The following FAM13C variants were observed in gnomAD, a reference collection of about 807,000 sequenced individuals.
FAM13C encodes protein FAM13C.
FAM13C carries 37 observed loss-of-function variants against 73.2 expected under a neutral mutation model. That is an observed-to-expected ratio of 0.51 (90% CI 0.39 to 0.67). FAM13C has a LOEUF of 0.67. FAM13C is among the 30% of genes least tolerant of loss of function. FAM13C has a pLI of 0.00. For synonymous variants in FAM13C, 246 were observed against 260.9 expected, an observed-to-expected ratio of 0.94 and a Z score of 0.55; for missense variants, 589 against 715.6, an observed-to-expected ratio of 0.82 and a Z score of 2.02.
intron 6 of FAM13C, among the ~76,000 whole-genome samples, chr10:59,277,611 C>A (rs2133630441): frequency 6.6e-6 from 1 of 152,248 alleles, no homozygotes; most frequent in South Asian, 2.1e-4. Flanking sequence ...GGCAAAATTA[C>A]AGAAACAGAG....
intron 13 of FAM13C, among the ~76,000 whole-genome samples, chr10:59,249,080 C>T (rs962998860): frequency 1.3e-5 from 2 of 152,008 alleles, no homozygotes; most frequent in African/African-American, 2.4e-5. Context: ...TGTAATTTTC[C>T]GTAGTTTTGC....
chr10:59,278,087 G>A (rs1473922341), intron 6 of FAM13C, among the ~76,000 whole-genome samples: 1 of 152,210 alleles, frequency 6.6e-6, no homozygotes, highest in African/African-American at 2.4e-5. Context: ...GACAAGAGAA[G>A]AGAGCTTGTG....
chr10:59,362,949 A>C (rs1856574298), upstream of FAM13C: 1 of 160,126 alleles, frequency 6.2e-6, no homozygotes, highest in Non-Finnish European at 1.3e-5. Context: ...ACCCCCAGGG[A>C]TGGAGGCTCG....
At chr10:59,263,612 A>G (rs2133475405) in intron 9 of FAM13C, among the ~76,000 whole-genome samples, 1 of 152,302 alleles carries the variant, frequency 6.6e-6, no homozygotes, top group East Asian at 1.9e-4. Flanking sequence ...ATCTCCAGAG[A>G]AAGACAGAAA....
intron 13 of FAM13C, among the ~76,000 whole-genome samples, chr10:59,250,407 A>C (rs1283138158): frequency 6.6e-6 from 1 of 152,258 alleles, no homozygotes; most frequent in Non-Finnish European, 1.5e-5. Context: ...CAAAAAGGTA[A>C]GTTGGACTTG....
intron 9 of FAM13C, among the ~76,000 whole-genome samples, chr10:59,263,463 T>C (rs2452501): frequency 0.99 from 150,630 of 152,312 alleles, 74,500 homozygotes; most frequent in Middle Eastern, 1. Context: ...TTTAGTCACT[T>C]TCCTTGCAGA....
chr10:59,286,135 T>G (rs1845526624), intron 5 of FAM13C, among the ~76,000 whole-genome samples: 1 of 152,164 alleles, frequency 6.6e-6, no homozygotes, highest in South Asian at 2.1e-4. Context: ...GTATAAACTT[T>G]GAGGACATTA....
intron 3 of FAM13C, among the ~76,000 whole-genome samples, chr10:59,330,452 AAGAG>A (rs1225191426): frequency 2.0e-5 from 3 of 152,172 alleles, no homozygotes; most frequent in Non-Finnish European, 2.9e-5. Flanking sequence ...AAGAGTAAAA[AAGAG>A]AGTCATGAGG....
intron 4 of FAM13C, among the ~76,000 whole-genome samples, chr10:59,321,716 G>A (rs542070098): frequency 4.1e-4 from 63 of 152,030 alleles, no homozygotes; most frequent in Middle Eastern, 6.8e-3. Flanking sequence ...TTTGGCATTC[G>A]TGAAAAGATC....
chr10:59,304,815 A>AAGGGAAGGGAAGGGAAGGGAAGGG (rs1564554034), intron 4 of FAM13C, among the ~76,000 whole-genome samples: 6 of 10,548 alleles, frequency 5.7e-4, no homozygotes, highest in Admixed American at 1.5e-3. Flanking sequence ...GAAGGGAAGG[A>AAGGGAAGGGAAGGGAAGGGAAGGG]AAGGGGAAGG....
intron 1 of FAM13C, among the ~76,000 whole-genome samples, chr10:59,356,384 A>G (rs1476993459): frequency 6.6e-6 from 1 of 152,118 alleles, no homozygotes; most frequent in Non-Finnish European, 1.5e-5. Context: ...GATTTTCTTG[A>G]TCTTGTGAAA....
chr10:59,254,228 C>A (rs1841706341), intron 11 of FAM13C, 120 bp downstream of exon 11: 1 of 583,280 alleles, frequency 1.7e-6, no homozygotes, highest in Non-Finnish European at 2.8e-6. Context: ...GAAATGACAA[C>A]TAGCCTTGTT....
Position 59,288,941 on chromosome 10 carries a change from C to T in FAM13C, c.508-5494G>A, listed in dbSNP as rs184215129. ...GTGGGATGGGGTCCATGAAGAGATA[C>T]TTGTTCTGAGGATCAAGGAACCCAT... On this transcript the variant is annotated intron_variant, in intron 5 of 13. Coordinates refer to ENST00000618804, the MANE Select transcript of FAM13C (RefSeq NM_198215.4). 1.8e-3 allele frequency among the ~76,000 whole-genome samples: 278 copies of T among 152,272 alleles called. 1 individual carries two copies. The highest frequency in any genetic ancestry group is 3.2e-3 in the Non-Finnish European group (216 of 68,014).
At chr10:59,350,425 G>A (rs1208313764) in intron 3 of FAM13C, among the ~76,000 whole-genome samples, 2 of 152,152 alleles carry the variant, frequency 1.3e-5, no homozygotes, top group East Asian at 1.9e-4. Flanking sequence ...CGTGACTCCT[G>A]GTAGGAGATT....
chr10:59,280,761 G>A (rs1399497802), intron 6 of FAM13C, among the ~76,000 whole-genome samples: 1 of 152,172 alleles, frequency 6.6e-6, no homozygotes, highest in East Asian at 1.9e-4. Context: ...TTTACAACTG[G>A]TTGTCTAGGA....
intron 10 of FAM13C, 133 bp from the exon 11 acceptor site, chr10:59,254,576 C>CATTTATTTATTT (rs3078249): frequency 4.1e-5 from 9 of 220,698 alleles, no homozygotes; most frequent in South Asian, 1.7e-4. Context: ...AAAGGAAAGT[C>CATTTATTTATTT]ATTTATTTAT....
Position 59,355,919 on chromosome 10 carries a change from T to G in FAM13C, c.87A>C (p.Leu29=). 2 of 1,614,016 alleles carry G rather than the reference T, an allele frequency of 1.2e-6. No individual in the cohort carries two copies. The highest frequency in any genetic ancestry group is 1.7e-6 in the Non-Finnish European group (2 of 1,179,922). ...VTECDEDPVS[L]HEDQTDCSSL... ...TGGAGCAATCAGTCTGGTCTTCATGTAGAGAGACTGGATCTTCGTCACACC... is the reference window on the plus strand; with the variant it reads ...TGGAGCAATCAGTCTGGTCTTCATGGAGAGAGACTGGATCTTCGTCACACC... Residue 29 remains leucine (L), a synonymous_variant, in exon 2 of 14, where the codon CTA becomes CTC. Transcript: ENST00000618804.
intron 8 of FAM13C, among the ~76,000 whole-genome samples, chr10:59,266,572 TAAC>T (rs1267878891): frequency 6.6e-6 from 1 of 152,200 alleles, no homozygotes; most frequent in Non-Finnish European, 1.5e-5. Context: ...GTTCTGATAA[TAAC>T]AAAGACTTCT....
intron 4 of FAM13C, among the ~76,000 whole-genome samples, chr10:59,304,779 G>GGAAGGGAAGGGAAGGGAAGGGAAGA (rs1848014109): frequency 1.1e-5 from 1 of 87,392 alleles, no homozygotes; most frequent in Non-Finnish European, 2.4e-5. Context: ...GGAAGGGAAG[G>GGAAGGGAAGGGAAGGGAAGGGAAGA]GAAGGGAAGG....
Sources: gnomAD v4.1 joint callset for allele counts (sites outside exome capture counted in the v4.1 genomes callset) on GRCh38, gnomAD v4.1.1 for gene constraint, MANE v1.5 for transcripts, NCBI Gene and HGNC (gene_info 2026-07-23, HGNC 2026-07-21) for gene names.